Variants in PIK3R3 observed in about 807,000 individuals in gnomAD.
The protein encoded by PIK3R3 is phosphatidylinositol 3-kinase regulatory subunit gamma.
In PIK3R3, 64 loss-of-function variants were observed where a neutral mutation model predicts 62.9. That is an observed-to-expected ratio of 1.02 (90% confidence interval 0.83 to 1.25). The LOEUF (loss-of-function observed/expected upper bound fraction) is 1.25, where lower values mean the gene tolerates loss of function less well. Among genes scored for constraint, PIK3R3 ranks in the 50% most tolerant of loss-of-function variants. PIK3R3 has a pLI of 0.00. For missense variants in PIK3R3, 614 were observed against 561.6 expected, an observed-to-expected ratio of 1.09 and a Z score of -0.94; for synonymous variants, 165 against 189.0, an observed-to-expected ratio of 0.87 and a Z score of 1.04.
intron 4 of PIK3R3, 142 bp downstream of exon 4, chr1:46,066,769 C>A: frequency 1.4e-6 from 1 of 723,668 alleles, no homozygotes. Flanking sequence ...CCAGCCTGGG[C>A]AACAGAGACC....
At position 46,045,644 on chromosome 1, in the gene PIK3R3, T is replaced by TTTTTTTTTTTTTTTTTTTTTTTTC. The variant is rs370501368; in HGVS notation, c.1187+273_1187+274insGAAAAAAAAAAAAAAAAAAAAAAA. Among the ~76,000 whole-genome samples, 8 of 82,596 alleles carry TTTTTTTTTTTTTTTTTTTTTTTTC rather than the reference T, an allele frequency of 9.7e-5. 2 individuals are homozygous for TTTTTTTTTTTTTTTTTTTTTTTTC. Among genetic ancestry groups the TTTTTTTTTTTTTTTTTTTTTTTTC allele is most frequent in the Admixed American group, 1.5e-4 (1 of 6,456 alleles). The allele number at this position is 82,596 out of a possible 152,430, so 54.2% of individuals were successfully genotyped here. A position where few individuals can be genotyped will look rare whatever the true frequency, so the allele number is the denominator to read the frequency against. On this transcript the variant is annotated intron_variant, in intron 9 of 9. Coordinates refer to ENST00000262741, the MANE Select transcript of PIK3R3 (RefSeq NM_003629.4). ...TTTTTTTTTTTTTTTTTTTTTTTTTTCAATTTAAGATCTCACATTACCTTT... is the reference window on the plus strand; with the variant it reads ...TTTTTTTTTTTTTTTTTTTTTTTTTTTTTTTTTTTTTTTTTTTTTTTTTCCAATTTAAGATCTCACATTACCTTT...
At chr1:46,089,621 C>T (rs1265742114) in intron 1 of PIK3R3, among the ~76,000 whole-genome samples, 1 of 150,426 alleles carries the variant, frequency 6.6e-6, no homozygotes, top group Non-Finnish European at 1.5e-5. Context: ...AGGCTGAGAC[C>T]GGAGAATTGC....
chr1:46,053,977 C>A (rs367959134), intron 7 of PIK3R3, among the ~76,000 whole-genome samples: 73 of 152,244 alleles, frequency 4.8e-4, no homozygotes, highest in African/African-American at 1.7e-3. Flanking sequence ...TTACAAAGCT[C>A]TTCAGTATGC....
chr1:46,071,708 A>AC (rs1182385003), intron 3 of PIK3R3, among the ~76,000 whole-genome samples: 1 of 52,632 alleles, frequency 1.9e-5, no homozygotes, highest in Non-Finnish European at 3.8e-5. Context: ...AAAAAAAAAA[A>AC]AAAAATATAT....
intron 5 of PIK3R3, among the ~76,000 whole-genome samples, chr1:46,063,111 TG>T: frequency 6.6e-6 from 1 of 152,368 alleles, no homozygotes; most frequent in South Asian, 2.1e-4. Context: ...TTTCATGTCA[TG>T]GAAGAGGCAA....
chr1:46,093,635 A>T (rs977115470), intron 1 of PIK3R3, among the ~76,000 whole-genome samples: 2 of 152,058 alleles, frequency 1.3e-5, no homozygotes, highest in African/African-American at 4.8e-5. Context: ...CATGCATGTA[A>T]TCCTAGCACT....
intron 5 of PIK3R3, 132 bp from the exon 6 acceptor site, chr1:46,062,203 T>C: frequency 1.4e-6 from 1 of 699,898 alleles, no homozygotes; most frequent in South Asian, 2.0e-5. Context: ...TCAAAAGTCT[T>C]CTCCTTGTTT....
At chr1:46,063,902 C>T (rs1390071380) in intron 5 of PIK3R3, among the ~76,000 whole-genome samples, 1 of 152,200 alleles carries the variant, frequency 6.6e-6, no homozygotes, top group East Asian at 1.9e-4. Flanking sequence ...CTTCAAATCA[C>T]AGATAAGCTT....
intron 7 of PIK3R3, among the ~76,000 whole-genome samples, chr1:46,054,467 A>G (rs1261956504): frequency 6.6e-6 from 1 of 150,664 alleles, no homozygotes; most frequent in Non-Finnish European, 1.5e-5. Context: ...CACAGTTCCA[A>G]TCTCTAGGTG....
At chr1:46,069,307 A>G (rs1649283255) in intron 3 of PIK3R3, among the ~76,000 whole-genome samples, 1 of 152,066 alleles carries the variant, frequency 6.6e-6, no homozygotes, top group African/African-American at 2.4e-5. Flanking sequence ...ATCACTTGAA[A>G]TCAGGAGTTC....
rs1045035395 is a variant in PIK3R3 at position 46,129,688 on chromosome 1, T to C, written c.106+2159A>G. 3.9e-5 allele frequency among the ~76,000 whole-genome samples: 6 copies of C among 152,254 alleles called. No homozygotes were observed. In the South Asian group the frequency reaches 1.2e-3, roughly 32 times the overall value. On this transcript the variant is annotated intron_variant, in intron 1 of 9. Transcript: ENST00000262741. Reference sequence around the variant, plus strand: ...TTCACTAATGATACAGTTTTAAATGTTTTGAAAACTTAATTTATCACATAA... The same window carrying C: ...TTCACTAATGATACAGTTTTAAATGCTTTGAAAACTTAATTTATCACATAA...
At chr1:46,155,076 T>C in the PIK3R3 span, among the ~76,000 whole-genome samples, 1 of 152,312 alleles carries the variant, frequency 6.6e-6, no homozygotes, top group East Asian at 1.9e-4. Context: ...TCCTTGCAAT[T>C]TGGGAGGCCA....
chr1:46,070,246 G>A (rs1649364599), intron 3 of PIK3R3, among the ~76,000 whole-genome samples: 1 of 152,206 alleles, frequency 6.6e-6, no homozygotes. Context: ...TCCTTGAGTA[G>A]ATTAGAGGGA....
At chr1:46,056,031 G>GGTGA in intron 6 of PIK3R3, 60 bp from the exon 7 acceptor site, 1 of 1,099,880 alleles carries the variant, frequency 9.1e-7, no homozygotes, top group Non-Finnish European at 1.3e-6. Flanking sequence ...GATCCTACTG[G>GGTGA]GTGAGCACGG....
In PIK3R3 at chr1:46,046,553, A is replaced by G; in HGVS notation, c.1014T>C (p.Asp338=). Residue 338 remains aspartate, a splice_region_variant and synonymous_variant, in exon 8 of 10, where the codon GAT becomes GAC. Transcript: ENST00000262741. ...VWLGIKNEDA[D]ENYFINEEDE... The stretch of plus-strand genomic sequence containing the variant: ...AGAAAGGTATAGAGAGAACTTACTC[A>G]TCAGCATCCTCATTCTTAATTCCCA... The G allele has an allele frequency of 3.1e-6, 5 of 1,606,074 alleles. No homozygotes were observed. Among genetic ancestry groups the G allele is most frequent in the Non-Finnish European group, 4.3e-6 (5 of 1,172,594 alleles).
chr1:46,140,701 C>T, the PIK3R3 span, among the ~76,000 whole-genome samples: 1 of 152,162 alleles, frequency 6.6e-6, no homozygotes, highest in African/African-American at 2.4e-5. Context: ...TTGCAACCCC[C>T]AGAAACTAAG....
chr1:46,089,792 G>A (rs556244392), intron 1 of PIK3R3, among the ~76,000 whole-genome samples: 99 of 151,826 alleles, frequency 6.5e-4, no homozygotes, highest in African/African-American at 2.4e-3. Flanking sequence ...TAATAATAGT[G>A]TAAATATTGG....
intron 1 of PIK3R3, among the ~76,000 whole-genome samples, chr1:46,131,524 T>A (rs976334561): frequency 2.0e-5 from 3 of 151,524 alleles, no homozygotes; most frequent in Non-Finnish European, 2.9e-5. Flanking sequence ...AAGAAAAAAA[T>A]AAAATAAAGT....
In PIK3R3 at chr1:46,131,835, T is replaced by TC. The variant is rs749957761; in HGVS notation, c.106+11dup. ...CCCATCACGAGATTCTTTTTTTTTT[T>TC]CTCCCAAGTACCTGGAGGATCCATT... On this transcript the variant is annotated intron_variant, in intron 1 of 9. Transcript: ENST00000262741. 1 of 1,608,450 alleles carries TC rather than the reference T, an allele frequency of 6.2e-7. No homozygotes were observed. The highest frequency in any genetic ancestry group is 1.7e-5 in the Admixed American group (1 of 59,958).
Sources: gnomAD v4.1 joint callset for allele counts (sites outside exome capture counted in the v4.1 genomes callset) on GRCh38, gnomAD v4.1.1 for gene constraint, MANE v1.5 for transcripts, NCBI Gene and HGNC (gene_info 2026-07-23, HGNC 2026-07-21) for gene names.